GNAT3: variants seen among roughly 807,000 people sequenced by gnomAD.
GNAT3 encodes guanine nucleotide-binding protein G(t) subunit alpha-3.
A neutral mutation model predicts 37.7 loss-of-function variants in GNAT3; 31 were observed. The observed-to-expected ratio is 0.82, with a 90% CI of 0.62 to 1.11. The LOEUF is 1.11. Among genes scored for constraint, GNAT3 ranks in the 50% most tolerant of loss-of-function variants. GNAT3 has a pLI of 0.00. For missense variants in GNAT3, 437 were observed against 412.5 expected (o/e 1.06, Z -0.51); for synonymous variants, 138 against 139.8 (o/e 0.99, Z 0.09).
intron 1 of GNAT3, 108 bp from the exon 2 acceptor site, chr7:80,494,755 G>A (rs577055014): frequency 1.5e-6 from 1 of 669,618 alleles, no homozygotes; most frequent in South Asian, 1.9e-5. Flanking sequence ...ATAGGTTTAG[G>A]GGGTACAAGT....
At chr7:80,495,080 T>TA (rs1441499122) in intron 1 of GNAT3, among the ~76,000 whole-genome samples, 1 of 152,106 alleles carries the variant, frequency 6.6e-6, no homozygotes, top group African/African-American at 2.4e-5. Context: ...ATTTTTTTTT[T>TA]AATGGCTGAG....
chr7:80,497,655 T>TAC (rs1435765543), intron 1 of GNAT3, among the ~76,000 whole-genome samples: 9 of 113,238 alleles, frequency 7.9e-5, no homozygotes, highest in African/African-American at 4.8e-4. Context: ...TATACGTATA[T>TAC]ACATATACGT....
chr7:80,483,483 C>T (rs1211145280), intron 3 of GNAT3, among the ~76,000 whole-genome samples: 1 of 152,006 alleles, frequency 6.6e-6, no homozygotes, highest in Non-Finnish European at 1.5e-5. Context: ...ACTGATCGAA[C>T]ACTTAACTCC....
At chr7:80,472,570 A>G (rs185939934) in intron 5 of GNAT3, among the ~76,000 whole-genome samples, 1 of 152,312 alleles carries the variant, frequency 6.6e-6, no homozygotes, top group Admixed American at 6.5e-5. Context: ...ACAGATACAT[A>G]AACAAGATAA....
rs142300606 is a variant in GNAT3 at position 80,493,109 on chromosome 7, C to T, written c.161+1496G>A. On this transcript the variant is annotated intron_variant, in intron 2 of 7. Coordinates refer to ENST00000398291, the MANE Select transcript of GNAT3 (RefSeq NM_001102386.3). ...TCTAATTTTGGCTTAATTTTATTTA[C>T]GGTTTACTATATTTAAAAGTTTTAT... Among the ~76,000 whole-genome samples the T allele has an allele frequency of 5.9e-4, 89 of 151,776 alleles. No homozygotes were observed. In the East Asian group the frequency reaches 0.01, roughly 18 times the overall value.
At chr7:80,483,470 C>G (rs984497824) in intron 3 of GNAT3, among the ~76,000 whole-genome samples, 1 of 151,966 alleles carries the variant, frequency 6.6e-6, no homozygotes, top group African/African-American at 2.4e-5. Context: ...TCATAACGGC[C>G]AAACTGATCG....
At chr7:80,504,110 G>A (rs1180352062) in intron 1 of GNAT3, among the ~76,000 whole-genome samples, 1 of 152,126 alleles carries the variant, frequency 6.6e-6, no homozygotes, top group Non-Finnish European at 1.5e-5. Context: ...GAGCCCAGAA[G>A]TTTGAGATCA....
chr7:80,484,832 C>T (rs1174083890), intron 3 of GNAT3, among the ~76,000 whole-genome samples: 1 of 152,016 alleles, frequency 6.6e-6, no homozygotes, highest in East Asian at 1.9e-4. Flanking sequence ...AACTACATAT[C>T]CCATCTCTCT....
intron 2 of GNAT3, among the ~76,000 whole-genome samples, chr7:80,488,938 T>A (rs10241126): frequency 2.3e-4 from 35 of 152,158 alleles, no homozygotes; most frequent in African/African-American, 8.0e-4. Context: ...TTTTTTAAAA[T>A]GGGTAAATCA....
At chr7:80,467,844 T>G (rs1019717095) in intron 5 of GNAT3, among the ~76,000 whole-genome samples, 2 of 151,928 alleles carry the variant, frequency 1.3e-5, no homozygotes, top group Non-Finnish European at 2.9e-5. Context: ...TACTCTTAAC[T>G]CCCTGAATAA....
intron 1 of GNAT3, among the ~76,000 whole-genome samples, chr7:80,509,036 A>C (rs931664631): frequency 2.0e-5 from 3 of 152,128 alleles, no homozygotes; most frequent in Admixed American, 6.6e-5. Flanking sequence ...AGTGTCATTC[A>C]GACGACACTG....
chr7:80,510,876 A>G (rs1220151802), intron 1 of GNAT3, among the ~76,000 whole-genome samples: 1 of 152,186 alleles, frequency 6.6e-6, no homozygotes, highest in Non-Finnish European at 1.5e-5. Flanking sequence ...TTAAAATATG[A>G]GGAAATTTGT....
intron 5 of GNAT3, among the ~76,000 whole-genome samples, 168 bp downstream of exon 5, chr7:80,474,083 G>A (rs1790263184): frequency 6.6e-6 from 1 of 152,140 alleles, no homozygotes; most frequent in Admixed American, 6.6e-5. Flanking sequence ...GCTGGGGTGA[G>A]AGGCTATAGA....
chr7:80,504,847 TG>T (rs147222897), intron 1 of GNAT3, among the ~76,000 whole-genome samples: 2 of 152,070 alleles, frequency 1.3e-5, no homozygotes, highest in Admixed American at 6.6e-5. Context: ...AGGGTGAGGT[TG>T]GGGGGAGATT....
chr7:80,510,704 G>T (rs1040455498), intron 1 of GNAT3, among the ~76,000 whole-genome samples: 1 of 152,164 alleles, frequency 6.6e-6, no homozygotes, highest in Non-Finnish European at 1.5e-5. Context: ...TGTGTAAGGG[G>T]CAAGGATGTT....
intron 2 of GNAT3, among the ~76,000 whole-genome samples, chr7:80,489,731 A>T (rs74297406): frequency 1.3e-5 from 2 of 152,272 alleles, no homozygotes; most frequent in East Asian, 3.9e-4. Flanking sequence ...AATAACTTAC[A>T]TAAGTAAATA....
At chr7:80,505,736 A>T (rs1790926407) in intron 1 of GNAT3, among the ~76,000 whole-genome samples, 2 of 152,208 alleles carry the variant, frequency 1.3e-5, no homozygotes, top group African/African-American at 4.8e-5. Flanking sequence ...AAATATACTG[A>T]GACAGGAATC....
Position 80,473,725 on chromosome 7 carries a change from C to T in GNAT3, c.590+526G>A, listed in dbSNP as rs79141136. Among the ~76,000 whole-genome samples the T allele has an allele frequency of 3.5e-4, 53 of 152,012 alleles. No homozygotes were observed. In the Middle Eastern group the frequency reaches 0.014, roughly 39 times the overall value. On this transcript the variant is annotated intron_variant, in intron 5 of 7. Coordinates refer to ENST00000398291, the MANE Select transcript of GNAT3 (RefSeq NM_001102386.3). Reference sequence around the variant, plus strand: ...TCTAGGAAGCTCTCGATAATATAACCGCAATGAAAATAATGATTCATTTTC... The same window carrying T: ...TCTAGGAAGCTCTCGATAATATAACTGCAATGAAAATAATGATTCATTTTC...
intron 1 of GNAT3, among the ~76,000 whole-genome samples, chr7:80,496,446 T>C (rs938721087): frequency 1.3e-5 from 2 of 152,158 alleles, no homozygotes; most frequent in African/African-American, 4.8e-5. Flanking sequence ...TATTTAAATT[T>C]CTAATTCGAC....
Sources: allele counts gnomAD v4.1 joint callset (sites outside exome capture counted in the v4.1 genomes callset), GRCh38; gene constraint gnomAD v4.1.1; transcripts MANE v1.5; gene names NCBI Gene and HGNC (gene_info 2026-07-23, HGNC 2026-07-21).